Variants in BRWD3 observed in about 807,000 individuals in gnomAD.
BRWD3 encodes the protein bromodomain and WD repeat-containing protein 3.
Under a neutral mutation model 149.7 loss-of-function variants are expected in BRWD3, and 10 were observed. The observed-to-expected ratio is 0.07, with a 90% confidence interval of 0.04 to 0.11. The LOEUF (loss-of-function observed/expected upper bound fraction) is 0.11. Among genes scored for constraint, BRWD3 ranks in the 10% least tolerant of loss-of-function variants. BRWD3 has a pLI of 1.00. For missense variants in BRWD3, 940 were observed against 1,373.2 expected, an observed-to-expected ratio of 0.68 and a Z score of 4.99; for synonymous variants, 504 against 456.7, an observed-to-expected ratio of 1.10 and a Z score of -1.32.
intron 6 of BRWD3, among the ~76,000 whole-genome samples, chrX:80,747,137 C>T (rs1262975120): frequency 9.1e-6 from 1 of 110,145 alleles, no homozygotes; most frequent in East Asian, 2.9e-4. Flanking sequence ...CAGAAATCTT[C>T]CTTCTCCAGT....
intron 24 of BRWD3, 149 bp from the exon 25 acceptor site, chrX:80,700,213 T>TTAA (rs1393396728): frequency 4.2e-6 from 2 of 475,390 alleles, no homozygotes; most frequent in Non-Finnish European, 7.0e-6. Flanking sequence ...TCAAATGATG[T>TTAA]TAATTCAGTA....
At position 80,719,633 on chromosome X, in the gene BRWD3, C is replaced by T. The variant is rs1172409547; in HGVS notation, c.1900G>A (p.Val634Ile). The stretch of plus-strand genomic sequence containing the variant: ...TGGTCATTGGTTTGCTGCCCAATTA[C>T]CTGTTCTACTACCTCACCATCACCT... ...ANGDGEVVEQ[V>I]IGQQTNDQDE... The change falls in exon 18 of 41, where the codon GTA (valine) becomes ATA (isoleucine). Residue 634 changes from valine to isoleucine, a missense_variant. By Grantham distance (29) the Val-to-Ile change is conservative. Coordinates refer to ENST00000373275, the MANE Select transcript of BRWD3 (RefSeq NM_153252.5). The T allele has an allele frequency of 1.7e-6, 2 of 1,208,739 alleles. No individual in the cohort carries two copies. Among genetic ancestry groups the T allele is most frequent in the African/African-American group, 3.5e-5 (2 of 57,031 alleles).
At chrX:80,707,912 G>T (rs989928593) in intron 21 of BRWD3, among the ~76,000 whole-genome samples, 3 of 111,245 alleles carry the variant, frequency 2.7e-5, no homozygotes, top group Non-Finnish European at 3.8e-5. Context: ...TAGATAACCC[G>T]TGTACACAAT....
intron 20 of BRWD3, among the ~76,000 whole-genome samples, chrX:80,711,412 T>C (rs780865406): frequency 8.9e-6 from 1 of 111,866 alleles, no homozygotes; most frequent in African/African-American, 3.2e-5. Context: ...CATAACATCA[T>C]ACAACAGAGA....
At position 80,683,907 on chromosome X, in the gene BRWD3, A is replaced by G. The variant is rs899225131; in HGVS notation, c.4233+103T>C. On this transcript the variant is annotated intron_variant, in intron 37 of 40. Coordinates refer to ENST00000373275, the MANE Select transcript of BRWD3 (RefSeq NM_153252.5). Reference sequence around the variant, plus strand: ...ATGACTGCTAAATGTATCTTTATGCATGCCTAACAAGCAATCCATGTTTCA... The same window carrying G: ...ATGACTGCTAAATGTATCTTTATGCGTGCCTAACAAGCAATCCATGTTTCA... 3.8e-6 allele frequency: 3 copies of G among 789,622 alleles called. No homozygotes were observed. The African/African-American group carries it at 6.2e-5, about 16-fold the overall frequency. The allele number at this position is 789,622 out of a possible 1,213,427, so 65.1% of individuals were successfully genotyped here. A position where few individuals can be genotyped will look rare whatever the true frequency, so the allele number is the denominator to read the frequency against.
chrX:80,766,693 C>T (rs781270884), intron 6 of BRWD3, among the ~76,000 whole-genome samples: 38 of 111,779 alleles, frequency 3.4e-4, no homozygotes, highest in African/African-American at 1.0e-3. Flanking sequence ...CCAGCGTGAT[C>T]GATGCAGAAG....
At chrX:80,692,882 A>G (rs931633667) in intron 28 of BRWD3, 58 bp downstream of exon 28, 38 of 952,384 alleles carry the variant, frequency 4.0e-5, no homozygotes, top group Non-Finnish European at 5.6e-5. Flanking sequence ...GAGGCTATTA[A>G]AAGTCCACAT....
At chrX:80,728,453 A>T (rs772906692) in intron 14 of BRWD3, among the ~76,000 whole-genome samples, 6 of 111,658 alleles carry the variant, frequency 5.4e-5, no homozygotes, top group Non-Finnish European at 9.4e-5. Flanking sequence ...AACAATGAAA[A>T]AATGCCAACC....
chrX:80,677,428 CA>C lies in BRWD3; in HGVS notation c.4655-66del, dbSNP rs746954269. 4.4e-6 allele frequency: 5 copies of C among 1,143,153 alleles called. No homozygotes were observed. The East Asian group carries it at 1.5e-4, about 35-fold the overall frequency. 94.2% of individuals were successfully genotyped at this position (1,143,153 alleles called of 1,213,427 possible). A position where few individuals can be genotyped will look rare whatever the true frequency, so the allele number is the denominator to read the frequency against. On this transcript the variant is annotated intron_variant, in intron 40 of 40. Transcript: ENST00000373275. ...CATTGACAAAATGGTTATTTAGGTT[CA>C]AAAACAGTCTACAGTTCCCAAAAAT...
chrX:80,707,630 C>T (rs765612620), intron 21 of BRWD3, 127 bp from the exon 22 acceptor site: 43 of 588,831 alleles, frequency 7.3e-5, no homozygotes, highest in African/African-American at 6.2e-4. Context: ...CTTCTTAAAA[C>T]GCACATAATT....
intron 25 of BRWD3, among the ~76,000 whole-genome samples, chrX:80,697,977 T>A (rs2072725587): frequency 8.9e-6 from 1 of 112,251 alleles, no homozygotes; most frequent in African/African-American, 3.2e-5. Context: ...TCTGTTTGTT[T>A]GTTTTGAATT....
At chrX:80,809,110 T>G in intron 2 of BRWD3, 68 bp from the exon 3 acceptor site, 1 of 1,156,992 alleles carries the variant, frequency 8.6e-7, no homozygotes, top group Non-Finnish European at 1.2e-6. Flanking sequence ...CCTCCACACT[T>G]AAAGCCCAGC....
intron 4 of BRWD3, among the ~76,000 whole-genome samples, chrX:80,804,627 T>C (rs1263771931): frequency 8.9e-6 from 1 of 111,963 alleles, no homozygotes; most frequent in Non-Finnish European, 1.9e-5. Context: ...ACCATTTCAA[T>C]ATATAAAACT....
chrX:80,786,653 T>A (rs1037812849), intron 6 of BRWD3, among the ~76,000 whole-genome samples: 2 of 111,361 alleles, frequency 1.8e-5, no homozygotes, highest in South Asian at 7.5e-4. Context: ...TAGCTAGGAT[T>A]ACAGGCATGC....
In BRWD3 at chrX:80,809,454, G is replaced by A. The variant is rs1309451641; in HGVS notation, c.18C>T (p.Thr6=). MAAAP[T]QIEAELYYLI... ...ACAGCTACCCACCGGCTTCGATCTGGGTAGGTGCTGCCGCCATCCTTTTCC... is the reference window on the plus strand; with the variant it reads ...ACAGCTACCCACCGGCTTCGATCTGAGTAGGTGCTGCCGCCATCCTTTTCC... Residue 6 remains threonine (T), a synonymous_variant, in exon 1 of 41, where the codon ACC becomes ACT. Coordinates refer to ENST00000373275, the MANE Select transcript of BRWD3 (RefSeq NM_153252.5). The A allele has an allele frequency of 6.0e-6, 7 of 1,168,075 alleles. No homozygotes were observed. Among genetic ancestry groups the A allele is most frequent in the Admixed American group, 2.5e-5 (1 of 39,729 alleles).
At chrX:80,713,034 C>G (rs1264780473) in intron 20 of BRWD3, among the ~76,000 whole-genome samples, 1 of 108,494 alleles carries the variant, frequency 9.2e-6, no homozygotes, top group Non-Finnish European at 1.9e-5. Flanking sequence ...GCCAGCCCCC[C>G]GCCCGGCCAG....
intron 6 of BRWD3, among the ~76,000 whole-genome samples, chrX:80,774,301 C>G (rs1399939791): frequency 1.8e-5 from 2 of 108,681 alleles, no homozygotes; most frequent in Admixed American, 2.0e-4. Context: ...GGGTCTTGCT[C>G]TGTCACCCAG....
chrX:80,691,048 C>A lies in BRWD3; in HGVS notation c.3602+5G>T, dbSNP rs750185154. 8.3e-7 allele frequency: 1 copy of A among 1,203,257 alleles called. No homozygotes were observed. The highest frequency in any genetic ancestry group is 1.1e-6 in the Non-Finnish European group (1 of 891,088). On this transcript the variant is annotated splice_donor_5th_base_variant and intron_variant, in intron 31 of 40. Coordinates refer to ENST00000373275, the MANE Select transcript of BRWD3 (RefSeq NM_153252.5). ...TTTATAATAAGTGATTAAAAAAAAA[C>A]AGACCTGTAAAAGCGATTTTCAAGT... is the stretch of plus-strand genomic sequence containing the variant.
At position 80,677,073 on chromosome X, in the gene BRWD3, T is replaced by C; in HGVS notation, c.4945A>G (p.Arg1649Gly). 3.3e-6 allele frequency: 4 copies of C among 1,211,711 alleles called. No individual in the cohort carries two copies. The highest frequency in any genetic ancestry group is 4.5e-6 in the Non-Finnish European group (4 of 895,377). ...TGCTTTCTGAGTTTTCTTTTAGGTC[T>C]GGTTTGTATGAATTTGCTATAATCA... is the stretch of plus-strand genomic sequence containing the variant. The part of the protein sequence containing the change: ...DHDYSKFIQT[R>G]PKRKLRKQHG... Residue 1649 changes from arginine to glycine, a missense_variant, in exon 41 of 41, where the codon AGA (arginine) becomes GGA (glycine). Transcript: ENST00000373275.
Sources: gnomAD v4.1 joint callset for allele counts (sites outside exome capture counted in the v4.1 genomes callset) on GRCh38, gnomAD v4.1.1 for gene constraint, MANE v1.5 for transcripts, NCBI Gene and HGNC (gene_info 2026-07-23, HGNC 2026-07-21) for gene names.